The following FGFR1 variants were observed in gnomAD, a reference collection of about 807,000 sequenced individuals.
FGFR1 encodes fibroblast growth factor receptor 1, also known as FGFR1/PLAG1 fusion.
Under a neutral mutation model 93.7 loss-of-function variants are expected in FGFR1, and 18 were observed. That is an observed-to-expected ratio of 0.19 (90% CI 0.13 to 0.28). The LOEUF (loss-of-function observed/expected upper bound fraction) is 0.28, where lower values mean the gene tolerates loss of function less well. Among genes scored for constraint, FGFR1 ranks in the 10% least tolerant of loss-of-function variants. The pLI, the probability that FGFR1 is intolerant of heterozygous loss-of-function variation, is 1.00. For missense variants in FGFR1, 731 were observed against 1,080.4 expected, an observed-to-expected ratio of 0.68 and a Z score of 4.53; for synonymous variants, 448 against 429.3, an observed-to-expected ratio of 1.04 and a Z score of -0.54.
At chr8:38,452,287 T>C (rs779247894) in intron 2 of FGFR1, among the ~76,000 whole-genome samples, 1 of 151,674 alleles carries the variant, frequency 6.6e-6, no homozygotes, top group South Asian at 2.1e-4. Flanking sequence ...GAAAACTCAG[T>C]GTGAACAGGG....
chr8:38,421,661 A>G (rs1301968312), intron 8 of FGFR1, 136 bp downstream of exon 8: 1 of 917,770 alleles, frequency 1.1e-6, no homozygotes, highest in Non-Finnish European at 1.8e-6. Context: ...AAGCTGGGGC[A>G]GGATGTGGCA....
chr8:38,428,417 T>G lies in FGFR1; in HGVS notation c.377A>C (p.Glu126Ala). The stretch of plus-strand genomic sequence containing the variant: ...GGAGTCATCATCATCATCATCATCC[T>G]CCGAGGAGGGGAGAGCATCTATGGG... Reference protein sequence around the residue: ...VNVSDALPSSEDDDDDDDSSS... With the variant: ...VNVSDALPSSADDDDDDDSSS... Residue 126 changes from glutamate (E) to alanine (A), a missense_variant, in exon 4 of 18, where the codon GAG becomes GCG. Coordinates refer to ENST00000447712, the MANE Select transcript of FGFR1 (RefSeq NM_023110.3). 3 of 1,613,424 alleles carry G rather than the reference T, an allele frequency of 1.9e-6. No individual in the cohort carries two copies. Among genetic ancestry groups the G allele is most frequent in the Non-Finnish European group, 2.5e-6 (3 of 1,179,890 alleles).
chr8:38,418,528 C>T, intron 9 of FGFR1, 155 bp from the exon 10 acceptor site: 1 of 875,538 alleles, frequency 1.1e-6, no homozygotes, highest in Non-Finnish European at 1.8e-6. Flanking sequence ...CCATGGTAGG[C>T]CAGGAGGCCC....
At chr8:38,467,082 T>A (rs1165591966) in intron 1 of FGFR1, among the ~76,000 whole-genome samples, 2 of 151,958 alleles carry the variant, frequency 1.3e-5, no homozygotes, top group African/African-American at 4.8e-5. Flanking sequence ...CAGAGAAGCA[T>A]ACGCATCGCT....
chr8:38,441,474 T>C (rs2151121928), intron 2 of FGFR1, among the ~76,000 whole-genome samples: 1 of 152,234 alleles, frequency 6.6e-6, no homozygotes, highest in Non-Finnish European at 1.5e-5. Flanking sequence ...CCAGCAAAAG[T>C]TCTCACCCTA....
At chr8:38,467,165 G>T (rs2151495861) in intron 1 of FGFR1, among the ~76,000 whole-genome samples, 2 of 152,088 alleles carry the variant, frequency 1.3e-5, no homozygotes, top group Middle Eastern at 6.8e-3. Flanking sequence ...GGACCGAACG[G>T]TCCTTCCGCC....
At chr8:38,417,148 C>T (rs530962780) in intron 12 of FGFR1, among the ~76,000 whole-genome samples, 158 bp downstream of exon 12, 3 of 152,290 alleles carry the variant, frequency 2.0e-5, no homozygotes, top group South Asian at 2.1e-4. Context: ...CACCAATGAG[C>T]GGAGCCCAGA....
chr8:38,419,530 TTC>T lies in FGFR1; in HGVS notation c.1284+1_1284+2del, dbSNP rs1392780581. On this transcript the variant is annotated splice_donor_variant, in intron 9 of 17. Transcript: ENST00000447712. LOFTEE classifies it high-confidence loss of function. ...TGAGTGTGCAAATCCCCCATCTACT[TTC>T]TGTTACCTGTCTGCGCAGAGGGATG... 1 of 1,613,690 alleles carries T rather than the reference TTC, an allele frequency of 6.2e-7. No homozygotes were observed.
Position 38,468,284 on chromosome 8 carries a change from T to C in FGFR1, c.-392A>G. 4.4e-6 allele frequency: 1 copy of C among 228,056 alleles called. No individual in the cohort carries two copies. Among genetic ancestry groups the C allele is most frequent in the Non-Finnish European group, 8.7e-6 (1 of 114,744 alleles). The allele number at this position is 228,056 out of a possible 1,614,324, so 14.1% of individuals were successfully genotyped here. ...TCCTCCAGAACGCAGCGGCGGCGCC[T>C]CACTTTCCTTGCAGACCGGGCTCCA... On this transcript the variant is annotated 5_prime_UTR_variant, in exon 1 of 18. An upstream open reading frame in the 5' UTR loses its in-frame stop. Coordinates refer to ENST00000447712, the MANE Select transcript of FGFR1 (RefSeq NM_023110.3).
At chr8:38,458,548 T>G (rs1833532214) in intron 1 of FGFR1, among the ~76,000 whole-genome samples, 2 of 151,580 alleles carry the variant, frequency 1.3e-5, no homozygotes, top group African/African-American at 4.8e-5. Flanking sequence ...CTCAAAAAAT[T>G]TAAAAAAAAA....
intron 2 of FGFR1, among the ~76,000 whole-genome samples, chr8:38,453,893 TA>T (rs1563614260): frequency 6.6e-6 from 1 of 152,008 alleles, no homozygotes; most frequent in Non-Finnish European, 1.5e-5. Flanking sequence ...CTCTGTCTCT[TA>T]AAACCAACCA....
At chr8:38,464,302 G>A (rs559793442) in intron 1 of FGFR1, among the ~76,000 whole-genome samples, 18 of 118,996 alleles carry the variant, frequency 1.5e-4, no homozygotes, top group African/African-American at 2.0e-4. Flanking sequence ...GCGACAGAGC[G>A]AGACTATCTC....
Position 38,413,425 on chromosome 8 carries a change from C to T in FGFR1, c.*203G>A, listed in dbSNP as rs750732571. The T allele has an allele frequency of 5.5e-4, 332 of 602,220 alleles. No individual in the cohort carries two copies. Among genetic ancestry groups the T allele is most frequent in the Middle Eastern group, 8.8e-4 (2 of 2,270 alleles). The allele number at this position is 602,220 out of a possible 1,614,324, so 37.3% of individuals were successfully genotyped here. On this transcript the variant is annotated 3_prime_UTR_variant, in exon 18 of 18. Transcript: ENST00000447712. The surrounding 1 kb of genome is among the most constrained non-coding windows in gnomAD (Gnocchi z 4.2). ...GGCAGCAAAGATCTGCCTCTTTGCACCTCTCACCAGCAGGTGGAGAGGAGG... is the reference window on the plus strand; with the variant it reads ...GGCAGCAAAGATCTGCCTCTTTGCATCTCTCACCAGCAGGTGGAGAGGAGG...
At chr8:38,436,686 C>T (rs1317303169) in intron 2 of FGFR1, among the ~76,000 whole-genome samples, 1 of 126,196 alleles carries the variant, frequency 7.9e-6, no homozygotes, top group Admixed American at 7.7e-5. Flanking sequence ...TAGGAGCCCA[C>T]CGGAGACCCA....
chr8:38,464,915 T>C (rs1835179347), intron 1 of FGFR1, among the ~76,000 whole-genome samples: 1 of 152,174 alleles, frequency 6.6e-6, no homozygotes. Context: ...AACCCCCAAG[T>C]TCATACCAGC....
intron 12 of FGFR1, among the ~76,000 whole-genome samples, chr8:38,416,847 G>T (rs1816837738): frequency 6.6e-6 from 1 of 152,072 alleles, no homozygotes; most frequent in Non-Finnish European, 1.5e-5. Context: ...CCACCTCCCG[G>T]GTTCAAGCAA....
chr8:38,465,919 G>A (rs1835392578), intron 1 of FGFR1: 2 of 226,688 alleles, frequency 8.8e-6, no homozygotes, highest in East Asian at 1.2e-4. Flanking sequence ...TAGAGAAAGT[G>A]CGATTTCATT....
Position 38,461,740 on chromosome 8 carries a change from G to C in FGFR1, c.-88-4206C>G, listed in dbSNP as rs181782605. Among the ~76,000 whole-genome samples the C allele has an allele frequency of 2.5e-4, 38 of 152,260 alleles. No individual in the cohort carries two copies. In the East Asian group the frequency reaches 6.6e-3, roughly 26 times the overall value. On this transcript the variant is annotated intron_variant, in intron 1 of 17. Transcript: ENST00000447712. ...CCACCTAGAGGAAGCCACATCACAGGTGATTATGAGGCTCAAATGGGTGGT... is the reference window on the plus strand; with the variant it reads ...CCACCTAGAGGAAGCCACATCACAGCTGATTATGAGGCTCAAATGGGTGGT...
chr8:38,439,220 T>C (rs1011134178), intron 2 of FGFR1, among the ~76,000 whole-genome samples: 3 of 152,162 alleles, frequency 2.0e-5, no homozygotes, highest in African/African-American at 7.2e-5. Flanking sequence ...GCCCCTCCAC[T>C]GTGTCCAGGT....
Sources: gnomAD v4.1 joint callset for allele counts (sites outside exome capture counted in the v4.1 genomes callset) on GRCh38, gnomAD v4.1.1 for gene constraint, Gnocchi (gnomAD v3.1) non-coding constraint, MANE v1.5 for transcripts, NCBI Gene and HGNC (gene_info 2026-07-23, HGNC 2026-07-21) for gene names.